HDGFL2: variants seen among roughly 807,000 people sequenced by gnomAD.
The protein encoded by HDGFL2 is hepatoma-derived growth factor-related protein 2.
Under a neutral mutation model 77.1 loss-of-function variants are expected in HDGFL2, and 36 were observed. That is an observed-to-expected ratio of 0.47 (90% CI 0.36 to 0.62). The LOEUF (loss-of-function observed/expected upper bound fraction) is 0.62. HDGFL2 is among the 20% of genes least tolerant of loss of function. The probability of loss-of-function intolerance (pLI) is 0.00; values close to 1 mark genes in which losing one functional copy is unlikely to be tolerated. For synonymous variants in HDGFL2, 463 were observed against 413.1 expected (o/e 1.12, Z -1.46); for missense variants, 976 against 973.4 (o/e 1.00, Z -0.04).
intron 3 of HDGFL2, among the ~76,000 whole-genome samples, chr19:4,476,059 T>G (rs1193628460): frequency 6.6e-6 from 1 of 150,566 alleles, no homozygotes; most frequent in Non-Finnish European, 1.5e-5. Flanking sequence ...CCGGCTAATT[T>G]TTTTGTATTT....
chr19:4,490,538 A>G (rs1599714083), intron 4 of HDGFL2, among the ~76,000 whole-genome samples: 1 of 152,268 alleles, frequency 6.6e-6, no homozygotes, highest in East Asian at 1.9e-4. Context: ...TTTTGTGCAG[A>G]TGTGTGTGTT....
At chr19:4,486,417 A>G (rs1975363935) in intron 3 of HDGFL2, 1 of 151,938 alleles carries the variant, frequency 6.6e-6, no homozygotes, top group African/African-American at 2.4e-5. Flanking sequence ...ATGAATGAGT[A>G]ATGGGGCTGA....
intron 9 of HDGFL2, among the ~76,000 whole-genome samples, chr19:4,495,944 G>T (rs1301392150): frequency 6.6e-6 from 1 of 152,186 alleles, no homozygotes; most frequent in Middle Eastern, 3.2e-3. Flanking sequence ...AGCCAGGCCT[G>T]CCTTCTTTGG....
rs749657912 is a variant in HDGFL2, at chr19:4,499,553, C to T, written c.1638C>T (p.Leu546=). The T allele has an allele frequency of 1.7e-5, 27 of 1,613,788 alleles. No homozygotes were observed. The highest frequency in any genetic ancestry group is 4.4e-5 in the South Asian group (4 of 91,002). The change falls in exon 14 of 16, where the codon CTC becomes CTT. Residue 546 remains leucine (L), a synonymous_variant. Transcript: ENST00000616600. ...MEKAAEVYTR[L]KSRVLGPKIE... The stretch of plus-strand genomic sequence containing the variant: ...AGGCAGCAGAAGTCTATACCCGGCT[C>T]AAGTCGCGGGTCCTCGGCCCAAAGA...
At position 4,498,970 on chromosome 19, in the gene HDGFL2, G is replaced by T. The variant is rs555594124; in HGVS notation, c.1575+55G>T. The stretch of plus-strand genomic sequence containing the variant: ...GCAGTCGGGGGAGCTGGGAGCAAGT[G>T]CCTGCCCGGGAGCCCAGGCCCCCAG... On this transcript the variant is annotated intron_variant, in intron 13 of 15. Coordinates refer to ENST00000616600, the MANE Select transcript of HDGFL2 (RefSeq NM_001001520.3). 4.7e-6 allele frequency: 6 copies of T among 1,285,282 alleles called. No homozygotes were observed. In the South Asian group the frequency reaches 5.0e-5, roughly 11 times the overall value. 79.6% of individuals were successfully genotyped at this position (1,285,282 alleles called of 1,614,324 possible).
At chr19:4,487,234 G>A (rs995934278) in intron 3 of HDGFL2, among the ~76,000 whole-genome samples, 5 of 152,132 alleles carry the variant, frequency 3.3e-5, no homozygotes, top group Admixed American at 2.6e-4. Flanking sequence ...CCAAAGTGCT[G>A]GAATGACAGG....
At position 4,488,689 on chromosome 19, in the gene HDGFL2, C is replaced by T. The variant is rs1251022640; in HGVS notation, c.302C>T (p.Ser101Phe). The change falls in exon 4 of 16, where the codon TCC becomes TTC. Residue 101 changes from serine to phenylalanine, a missense_variant. Transcript: ENST00000616600. ...SYSAPPPVSS[S>F]DSEAPEANPA... ...CGACTCCCACAGCCAGTGAGCTCCT[C>T]CGACAGCGAGGCCCCCGAGGCCAAC... The T allele has an allele frequency of 1.3e-6, 2 of 1,545,474 alleles. No homozygotes were observed. The highest frequency in any genetic ancestry group is 1.7e-6 in the Non-Finnish European group (2 of 1,147,520).
chr19:4,498,175 G>A (rs1975759391), intron 11 of HDGFL2, 131 bp from the exon 12 acceptor site: 2 of 1,129,508 alleles, frequency 1.8e-6, no homozygotes, highest in Admixed American at 4.2e-5. Flanking sequence ...TGCCTCCAGG[G>A]GTGGGGGCTG....
At position 4,494,449 on chromosome 19, in the gene HDGFL2, G is replaced by A. The variant is rs1263504267; in HGVS notation, c.1198G>A (p.Glu400Lys). ...GGGTCCCCCGTCCTCCTCTGACTCCGAGCCCGAGGCCGAGCTGGAGAGAGA... is the reference window on the plus strand; with the variant it reads ...GGGTCCCCCGTCCTCCTCTGACTCCAAGCCCGAGGCCGAGCTGGAGAGAGA... ...GRGPPSSSDSEPEAELEREAK... is the reference protein window; with the variant it reads ...GRGPPSSSDSKPEAELEREAK... The change falls in exon 9 of 16, where the codon GAG becomes AAG. Residue 400 changes from glutamate to lysine, a missense_variant. Transcript: ENST00000616600. The A allele has an allele frequency of 7.1e-7, 1 of 1,400,270 alleles. No individual in the cohort carries two copies. The highest frequency in any genetic ancestry group is 9.2e-7 in the Non-Finnish European group (1 of 1,082,322). The allele number at this position is 1,400,270 out of a possible 1,614,324, so 86.7% of individuals were successfully genotyped here. A position where few individuals can be genotyped will look rare whatever the true frequency, so the allele number is the denominator to read the frequency against.
intron 9 of HDGFL2, among the ~76,000 whole-genome samples, chr19:4,494,978 C>T (rs991202518): frequency 2.2e-4 from 33 of 151,956 alleles, no homozygotes; most frequent in South Asian, 4.2e-4. Context: ...GCGTGCTGTC[C>T]GGAGTTTTCG....
chr19:4,478,208 T>G (rs1250746545), intron 3 of HDGFL2, among the ~76,000 whole-genome samples: 11 of 151,164 alleles, frequency 7.3e-5, no homozygotes, highest in African/African-American at 1.9e-4. Context: ...TTTTTTTTTT[T>G]TTGTTTTTTG....
Position 4,472,419 on chromosome 19 carries a change from C to T in HDGFL2, c.69C>T (p.Ala23=), listed in dbSNP as rs1193024996. 1 of 1,144,952 alleles carries T rather than the reference C, an allele frequency of 8.7e-7. No individual in the cohort carries two copies. The allele number at this position is 1,144,952 out of a possible 1,614,324, so 70.9% of individuals were successfully genotyped here. The stretch of plus-strand genomic sequence containing the variant: ...TGAAGGGCTACCCTCACTGGCCTGC[C>T]AGGGTGAGGCCGCGCGGGAGATGGG... ...AKMKGYPHWP[A]RIDDIADGAV... is the part of the protein sequence containing the mutation. Residue 23 remains alanine, a synonymous_variant, in exon 1 of 16, where the codon GCC becomes GCT. Coordinates refer to ENST00000616600, the MANE Select transcript of HDGFL2 (RefSeq NM_001001520.3).
At chr19:4,475,863 A>C (rs993334508) in intron 3 of HDGFL2, among the ~76,000 whole-genome samples, 12 of 148,784 alleles carry the variant, frequency 8.1e-5, no homozygotes, top group African/African-American at 3.0e-4. Flanking sequence ...CCTGGCGAGA[A>C]CCCCTGCTGT....
chr19:4,498,418 C>T (rs1268938338), intron 12 of HDGFL2, 42 bp downstream of exon 12: 5 of 1,474,988 alleles, frequency 3.4e-6, no homozygotes, highest in African/African-American at 1.4e-5. Flanking sequence ...TCCCCGCTGC[C>T]ACCTCCCTGC....
chr19:4,501,629 GT>G lies in HDGFL2; in HGVS notation c.1917-281del, dbSNP rs753639004. The G allele has an allele frequency of 2.8e-4, 132 of 476,436 alleles. 1 individual carries two copies. The highest frequency in any genetic ancestry group is 4.5e-4 in the Non-Finnish European group (123 of 270,944). The allele number at this position is 476,436 out of a possible 1,614,324, so 29.5% of individuals were successfully genotyped here. A position where few individuals can be genotyped will look rare whatever the true frequency, so the allele number is the denominator to read the frequency against. On this transcript the variant is annotated intron_variant, in intron 15 of 15. Transcript: ENST00000616600. ...AGCACGGGCACCCGGCTATCTGACG[GT>G]GCCTGTGCCCATCACTGTGGGCTGC...
intron 9 of HDGFL2, among the ~76,000 whole-genome samples, chr19:4,495,330 G>T (rs936005174): frequency 6.9e-6 from 1 of 144,582 alleles, no homozygotes; most frequent in African/African-American, 2.6e-5. Context: ...AGAGGTTGCA[G>T]CGAGCCAAGA....
chr19:4,488,954 T>G lies in HDGFL2; in HGVS notation c.489+78T>G, dbSNP rs989742800. 14 of 126,636 alleles carry G rather than the reference T, an allele frequency of 1.1e-4. No individual in the cohort carries two copies. The African/African-American group carries it at 1.7e-3, about 16-fold the overall frequency. 7.8% of individuals were successfully genotyped at this position (126,636 alleles called of 1,614,324 possible). On this transcript the variant is annotated intron_variant, in intron 4 of 15. Coordinates refer to ENST00000616600, the MANE Select transcript of HDGFL2 (RefSeq NM_001001520.3). ...GCCTGGCAGCTTGCTCTCCTGCCCT[T>G]TTTTTTTTTTTTTTTTTGAGACAAG...
In HDGFL2 at chr19:4,493,812, C is replaced by A. The variant is rs770893579; in HGVS notation, c.788C>A (p.Ser263Tyr). The change falls in exon 7 of 16, where the codon TCC (serine) becomes TAC (tyrosine). Residue 263 changes from serine (S) to tyrosine (Y), a missense_variant. Transcript: ENST00000616600. The part of the protein sequence containing the change: ...SASSSSSSSS[S>Y]SDSDVSVKKP... ...TCCTCCTCCTCCTCTTCCTCCTCCT[C>A]CTCCGACTCCGATGTGTCTGTGAAG... 5 of 1,538,770 alleles carry A rather than the reference C, an allele frequency of 3.2e-6. No individual in the cohort carries two copies. The highest frequency in any genetic ancestry group is 3.5e-6 in the Non-Finnish European group (4 of 1,138,938).
rs570465474 is a variant in HDGFL2, at chr19:4,494,535, C to T, written c.1224+60C>T. 80 of 1,222,414 alleles carry T rather than the reference C, an allele frequency of 6.5e-5. No homozygotes were observed. The East Asian group carries it at 2.2e-3, about 34-fold the overall frequency. 75.7% of individuals were successfully genotyped at this position (1,222,414 alleles called of 1,614,324 possible). A position where few individuals can be genotyped will look rare whatever the true frequency, so the allele number is the denominator to read the frequency against. On this transcript the variant is annotated intron_variant, in intron 9 of 15. Transcript: ENST00000616600. ...ACTCCACACGTTTATGGAGCATCTA[C>T]TAGGTAGGAGGCAGTATCCCAGGTT...
Sources: allele counts gnomAD v4.1 joint callset (sites outside exome capture counted in the v4.1 genomes callset), GRCh38; gene constraint gnomAD v4.1.1; transcripts MANE v1.5; gene names NCBI Gene and HGNC (gene_info 2026-07-23, HGNC 2026-07-21).